PDE11A: variants seen among roughly 807,000 people sequenced by gnomAD.
PDE11A encodes dual 3',5'-cyclic-AMP and -GMP phosphodiesterase 11A.
A neutral mutation model predicts 100.5 loss-of-function variants in PDE11A; 100 were observed. The ratio of observed to expected loss-of-function variants is 1.00; its 90% CI spans 0.85 to 1.18. The LOEUF is 1.18. Ranked by LOEUF, PDE11A falls within the 50% of genes most tolerant of loss-of-function variation. The pLI, the probability that PDE11A is intolerant of heterozygous loss-of-function variation, is 0.00. For missense variants in PDE11A, 1,141 were observed against 1,152.6 expected, an observed-to-expected ratio of 0.99 and a Z score of 0.15; for synonymous variants, 381 against 420.8, an observed-to-expected ratio of 0.91 and a Z score of 1.16.
intron 1 of PDE11A, among the ~76,000 whole-genome samples, chr2:178,017,746 G>A (rs2086356967): frequency 6.6e-6 from 1 of 152,118 alleles, no homozygotes; most frequent in Non-Finnish European, 1.5e-5. Flanking sequence ...AGATCACGAA[G>A]TCAGGAGTTC....
intron 2 of PDE11A, among the ~76,000 whole-genome samples, chr2:178,078,551 C>A (rs2087244080): frequency 6.6e-6 from 1 of 151,782 alleles, no homozygotes; most frequent in South Asian, 2.1e-4. Context: ...CGATAATGAC[C>A]CATAAAGTTA....
At chr2:177,794,863 GCA>G (rs1160792076) in intron 9 of PDE11A, among the ~76,000 whole-genome samples, 1 of 152,060 alleles carries the variant, frequency 6.6e-6, no homozygotes, top group African/African-American at 2.4e-5. Context: ...TTGGCTCACT[GCA>G]ACCTCTGCCT....
chr2:177,835,616 C>T (rs1558962955), intron 6 of PDE11A, among the ~76,000 whole-genome samples: 1 of 152,206 alleles, frequency 6.6e-6, no homozygotes, highest in African/African-American at 2.4e-5. Flanking sequence ...GTGGGAGCCC[C>T]TCTCTGGGCT....
At chr2:177,857,279 C>G (rs1359147580) in intron 5 of PDE11A, among the ~76,000 whole-genome samples, 1 of 151,784 alleles carries the variant, frequency 6.6e-6, no homozygotes, top group Admixed American at 6.6e-5. Context: ...GTAGACCTGT[C>G]CTGTAAGAAA....
intron 19 of PDE11A, among the ~76,000 whole-genome samples, chr2:177,631,543 A>G (rs1400041234): frequency 0.25 from 2,878 of 11,340 alleles, 808 homozygotes; most frequent in East Asian, 0.49. Context: ...ATATATATAT[A>G]TATACACATG....
intron 8 of PDE11A, 60 bp from the exon 9 acceptor site, chr2:177,816,981 T>C: frequency 1.0e-6 from 1 of 970,070 alleles, no homozygotes; most frequent in South Asian, 1.3e-5. Context: ...AAATCTAATA[T>C]GAAAGCAGGC....
At chr2:177,712,908 C>T (rs2081377289) in intron 12 of PDE11A, among the ~76,000 whole-genome samples, 1 of 152,070 alleles carries the variant, frequency 6.6e-6, no homozygotes, top group Non-Finnish European at 1.5e-5. Flanking sequence ...GATCACTGGC[C>T]CACACCTGTA....
At chr2:177,681,457 G>GCCTGCTGTACAA (rs1559140528) in intron 15 of PDE11A, among the ~76,000 whole-genome samples, 1 of 152,060 alleles carries the variant, frequency 6.6e-6, no homozygotes, top group African/African-American at 2.4e-5. Context: ...TCAGCAACTC[G>GCCTGCTGTACAA]CTTTGGAAAG....
chr2:177,720,179 G>C (rs139998018), intron 12 of PDE11A, among the ~76,000 whole-genome samples: 5 of 152,142 alleles, frequency 3.3e-5, no homozygotes, highest in Admixed American at 3.3e-4. Flanking sequence ...TCAACATATA[G>C]ATCCTAGGGG....
chr2:178,049,449 C>T (rs1392253338), intron 1 of PDE11A, among the ~76,000 whole-genome samples: 1 of 152,206 alleles, frequency 6.6e-6, no homozygotes, highest in Non-Finnish European at 1.5e-5. Flanking sequence ...GTGATTTCTG[C>T]ATTTCCAACT....
At chr2:177,924,592 CCTT>C (rs1303960707) in intron 2 of PDE11A, among the ~76,000 whole-genome samples, 2 of 152,078 alleles carry the variant, frequency 1.3e-5, no homozygotes, top group African/African-American at 4.8e-5. Flanking sequence ...ATTTTTCTCT[CCTT>C]CTAAAACAGG....
At chr2:178,026,766 A>G (rs929059922) in intron 1 of PDE11A, among the ~76,000 whole-genome samples, 1 of 152,178 alleles carries the variant, frequency 6.6e-6, no homozygotes. Flanking sequence ...AAATGTCTAT[A>G]GAAATAAGTG....
intron 9 of PDE11A, 87 bp downstream of exon 9, chr2:177,816,742 G>A: frequency 1.3e-6 from 1 of 795,914 alleles, no homozygotes; most frequent in Non-Finnish European, 2.3e-6. Context: ...TAAAATTTGA[G>A]AAATTAAGCC....
chr2:177,951,961 G>T (rs919864284), intron 2 of PDE11A, among the ~76,000 whole-genome samples: 4 of 152,166 alleles, frequency 2.6e-5, no homozygotes, highest in Non-Finnish European at 5.9e-5. Flanking sequence ...CAACGTGCAG[G>T]TTTGTTACAT....
At chr2:177,662,366 T>G (rs185140537) in intron 19 of PDE11A, among the ~76,000 whole-genome samples, 8 of 152,232 alleles carry the variant, frequency 5.3e-5, no homozygotes, top group Non-Finnish European at 8.8e-5. Context: ...CCTCCTAAGC[T>G]TTACCCAAAG....
intron 10 of PDE11A, among the ~76,000 whole-genome samples, chr2:177,749,940 A>T (rs1238371521): frequency 6.6e-6 from 1 of 152,194 alleles, no homozygotes; most frequent in African/African-American, 2.4e-5. Context: ...AGGCTCAAAG[A>T]GCTCCCTTCT....
At chr2:177,795,460 G>A (rs78771694) in intron 9 of PDE11A, among the ~76,000 whole-genome samples, 15,984 of 151,918 alleles carry the variant, frequency 0.11, 1,065 homozygotes, top group Non-Finnish European at 0.14. Context: ...TACCCGCTTC[G>A]GCTTAACTGC....
intron 10 of PDE11A, among the ~76,000 whole-genome samples, chr2:177,765,226 A>G (rs759939190): frequency 1.3e-5 from 2 of 152,206 alleles, no homozygotes; most frequent in African/African-American, 2.4e-5. Context: ...AAATCCCAAA[A>G]CATAAAGGAG....
rs1373412156 is a variant in PDE11A, at chr2:177,899,411, AC to A, written c.1162-1214del. 26 of 187,512 alleles carry A rather than the reference AC, an allele frequency of 1.4e-4. 1 individual carries two copies. The South Asian group carries it at 1.9e-3, about 14-fold the overall frequency. The allele number at this position is 187,512 out of a possible 1,614,324, so 11.6% of individuals were successfully genotyped here. A position where few individuals can be genotyped will look rare whatever the true frequency, so the allele number is the denominator to read the frequency against. ...AACAGAGTGAGACTCTTTCTAAAAA[AC>A]AAACAAACAAACAATAACAACAAAA... On this transcript the variant is annotated intron_variant, in intron 3 of 19. Transcript: ENST00000286063.
Sources: allele counts gnomAD v4.1 joint callset (sites outside exome capture counted in the v4.1 genomes callset), GRCh38; gene constraint gnomAD v4.1.1; transcripts MANE v1.5; gene names NCBI Gene and HGNC (gene_info 2026-07-23, HGNC 2026-07-21).